Variants in ZNF266 observed in about 807,000 individuals in gnomAD.
ZNF266 encodes zinc finger protein 266.
A neutral mutation model predicts 16.4 loss-of-function variants in ZNF266; 16 were observed. The ratio of observed to expected loss-of-function variants is 0.98; its 90% CI spans 0.66 to 1.48. ZNF266 has a LOEUF of 1.48. Ranked by LOEUF, ZNF266 falls within the 40% of genes most tolerant of loss-of-function variation. ZNF266 has a pLI of 0.00. For synonymous variants in ZNF266, 262 were observed against 237.9 expected, an observed-to-expected ratio of 1.10 and a Z score of -0.93; for missense variants, 738 against 689.1, an observed-to-expected ratio of 1.07 and a Z score of -0.79.
At chr19:9,427,786 A>G (rs1034369468) in intron 5 of ZNF266, among the ~76,000 whole-genome samples, 7 of 152,178 alleles carry the variant, frequency 4.6e-5, no homozygotes, top group African/African-American at 1.4e-4. Flanking sequence ...CACCTTCTCC[A>G]GGAACACAGG....
At chr19:9,428,510 T>C (rs1450045070) in intron 5 of ZNF266, among the ~76,000 whole-genome samples, 1 of 152,112 alleles carries the variant, frequency 6.6e-6, no homozygotes, top group Non-Finnish European at 1.5e-5. Flanking sequence ...CCATTATAAG[T>C]GATGGGGCTC....
chr19:9,427,901 A>C (rs1237003137), intron 5 of ZNF266, among the ~76,000 whole-genome samples: 3 of 152,194 alleles, frequency 2.0e-5, no homozygotes, highest in Non-Finnish European at 4.4e-5. Flanking sequence ...TGGTGGCAAC[A>C]TATGCCTGAT....
intron 6 of ZNF266, chr19:9,419,836 G>C (rs2069578868): frequency 6.6e-6 from 1 of 151,830 alleles, no homozygotes; most frequent in Non-Finnish European, 1.5e-5. Context: ...GGGGGGCAGA[G>C]GTGGCAATGA....
At chr19:9,418,771 G>A in intron 7 of ZNF266, 140 bp from the exon 8 acceptor site, 1 of 561,870 alleles carries the variant, frequency 1.8e-6, no homozygotes, top group South Asian at 2.1e-5. Flanking sequence ...CTCACTGTCA[G>A]TCCCCTCCAG....
At chr19:9,416,476 G>C (rs1401961358) in intron 9 of ZNF266, among the ~76,000 whole-genome samples, 1 of 149,962 alleles carries the variant, frequency 6.7e-6, no homozygotes, top group Non-Finnish European at 1.5e-5. Flanking sequence ...CGATTCTCCT[G>C]CCTCAGCCTC....
At chr19:9,431,859 G>A (rs2123480831) in intron 5 of ZNF266, among the ~76,000 whole-genome samples, 1 of 152,322 alleles carries the variant, frequency 6.6e-6, no homozygotes, top group Middle Eastern at 3.4e-3. Context: ...ACACCCTCCT[G>A]TTGAGCGCAC....
intron 5 of ZNF266, among the ~76,000 whole-genome samples, chr19:9,429,980 T>C (rs1303795162): frequency 1.3e-5 from 2 of 152,208 alleles, no homozygotes; most frequent in Admixed American, 1.3e-4. Flanking sequence ...AAAAGCTAAG[T>C]GTAGCGTAGC....
chr19:9,421,175 T>C (rs1316989312), intron 5 of ZNF266, among the ~76,000 whole-genome samples: 1 of 152,180 alleles, frequency 6.6e-6, no homozygotes, highest in Non-Finnish European at 1.5e-5. Context: ...GAACAGTTCA[T>C]TATCCATGAA....
intron 5 of ZNF266, among the ~76,000 whole-genome samples, chr19:9,424,880 A>T (rs2070500228): frequency 6.6e-6 from 1 of 152,180 alleles, no homozygotes; most frequent in Non-Finnish European, 1.5e-5. Flanking sequence ...CTTAGGTAGG[A>T]ATATAGACTT....
chr19:9,433,269 G>C (rs1448718873), intron 5 of ZNF266, among the ~76,000 whole-genome samples: 1 of 152,120 alleles, frequency 6.6e-6, no homozygotes, highest in African/African-American at 2.4e-5. Flanking sequence ...CCCCTTCACA[G>C]CTTTTTGGCA....
Position 9,418,671 on chromosome 19 carries a change from T to C in ZNF266, c.109-40A>G, listed in dbSNP as rs184855687. The stretch of plus-strand genomic sequence containing the variant: ...ACATGCTGGCTTGAGCCACAAAACA[T>C]GTCTACCAGTGTTCACTGCAAAATG... On this transcript the variant is annotated intron_variant, in intron 7 of 10. Coordinates refer to ENST00000592904, the MANE Select transcript of ZNF266 (RefSeq NM_001370374.1). The C allele has an allele frequency of 1.8e-5, 18 of 1,010,262 alleles. No homozygotes were observed. The East Asian group carries it at 2.9e-4, about 16-fold the overall frequency. 62.6% of individuals were successfully genotyped at this position (1,010,262 alleles called of 1,614,324 possible). A position where few individuals can be genotyped will look rare whatever the true frequency, so the allele number is the denominator to read the frequency against.
chr19:9,413,150 A>C lies in ZNF266; in HGVS notation c.*125T>G, dbSNP rs564678855. 2 of 1,216,850 alleles carry C rather than the reference A, an allele frequency of 1.6e-6. No homozygotes were observed. Among genetic ancestry groups the C allele is most frequent in the Admixed American group, 5.0e-5 (2 of 40,064 alleles). The allele number at this position is 1,216,850 out of a possible 1,614,324, so 75.4% of individuals were successfully genotyped here. On this transcript the variant is annotated 3_prime_UTR_variant, in exon 11 of 11. Coordinates refer to ENST00000592904, the MANE Select transcript of ZNF266 (RefSeq NM_001370374.1). ...GCAGGGTCTTCTCCACTGTGAATTC[A>C]TATGTGTTCATTAAGACCTGAGATA...
At chr19:9,427,984 G>A (rs2071015503) in intron 5 of ZNF266, among the ~76,000 whole-genome samples, 1 of 102,018 alleles carries the variant, frequency 9.8e-6, no homozygotes, top group Non-Finnish European at 2.2e-5. Flanking sequence ...AAAGAAAACG[G>A]GGGGAAAAAT....
chr19:9,416,362 TTTG>T (rs1197950507), intron 9 of ZNF266, among the ~76,000 whole-genome samples: 2,635 of 134,026 alleles, frequency 0.02, 72 homozygotes, highest in African/African-American at 0.079. Flanking sequence ...GTTTTTGTTT[TTTG>T]TTTTTTTTTT....
chr19:9,418,493 G>C lies in ZNF266; in HGVS notation c.235+12C>G. 6.2e-7 allele frequency: 1 copy of C among 1,613,984 alleles called. No homozygotes were observed. Among genetic ancestry groups the C allele is most frequent in the Non-Finnish European group, 8.5e-7 (1 of 1,179,848 alleles). On this transcript the variant is annotated intron_variant, in intron 8 of 10. Coordinates refer to ENST00000592904, the MANE Select transcript of ZNF266 (RefSeq NM_001370374.1). ...TTCCATAGTAGGCTACAAGGGATGA[G>C]GCCAGTCTTACCTACTGTGGCCAAA... is the stretch of plus-strand genomic sequence containing the variant.
At chr19:9,427,410 C>T (rs889156995) in intron 5 of ZNF266, among the ~76,000 whole-genome samples, 29 of 151,994 alleles carry the variant, frequency 1.9e-4, no homozygotes, top group African/African-American at 6.8e-4. Flanking sequence ...ACCTCCGCCA[C>T]CCAGGGTTCA....
In ZNF266 at chr19:9,412,471, A is replaced by G. The variant is rs930347921; in HGVS notation, c.*804T>C. 2.6e-5 allele frequency: 4 copies of G among 152,250 alleles called. No individual in the cohort carries two copies. Among genetic ancestry groups the G allele is most frequent in the African/African-American group, 9.6e-5 (4 of 41,462 alleles). 9.4% of individuals were successfully genotyped at this position (152,250 alleles called of 1,614,324 possible). A position where few individuals can be genotyped will look rare whatever the true frequency, so the allele number is the denominator to read the frequency against. Reference sequence around the variant, plus strand: ...TATTATGTTTGAAGAAAGCTTAAAAATTTGTGTTGGTCTGCATTCAAAGCC... The same window carrying G: ...TATTATGTTTGAAGAAAGCTTAAAAGTTTGTGTTGGTCTGCATTCAAAGCC... On this transcript the variant is annotated 3_prime_UTR_variant, in exon 11 of 11. Transcript: ENST00000592904.
chr19:9,430,227 T>C (rs2071387594), intron 5 of ZNF266, among the ~76,000 whole-genome samples: 1 of 152,182 alleles, frequency 6.6e-6, no homozygotes, highest in South Asian at 2.1e-4. Context: ...ACTGATCAAC[T>C]GCCTTCGTTC....
At chr19:9,428,818 C>G (rs1407265343) in intron 5 of ZNF266, among the ~76,000 whole-genome samples, 2 of 152,058 alleles carry the variant, frequency 1.3e-5, no homozygotes, top group East Asian at 3.8e-4. Context: ...CAATACGAGG[C>G]CTTGCCAGGA....
Sources: gnomAD v4.1 joint callset for allele counts (sites outside exome capture counted in the v4.1 genomes callset) on GRCh38, gnomAD v4.1.1 for gene constraint, MANE v1.5 for transcripts, NCBI Gene and HGNC (gene_info 2026-07-23, HGNC 2026-07-21) for gene names.